The following HSD17B12 variants were observed in gnomAD, a reference collection of about 807,000 sequenced individuals.
HSD17B12 encodes the protein very-long-chain 3-oxoacyl-CoA reductase.
In HSD17B12, 32 loss-of-function variants were observed where a neutral mutation model predicts 39.3. That is an observed-to-expected ratio of 0.81 (90% CI 0.61 to 1.09). HSD17B12 has a LOEUF of 1.09. Among genes scored for constraint, HSD17B12 ranks in the 50% least tolerant of loss-of-function variants. The pLI, the probability that HSD17B12 is intolerant of heterozygous loss-of-function variation, is 0.00. For missense variants in HSD17B12, 342 were observed against 382.9 expected, an observed-to-expected ratio of 0.89 and a Z score of 0.89; for synonymous variants, 150 against 146.7, an observed-to-expected ratio of 1.02 and a Z score of -0.16.
the HSD17B12 span, among the ~76,000 whole-genome samples, chr11:43,563,716 G>A: frequency 6.6e-6 from 1 of 152,138 alleles, no homozygotes; most frequent in Admixed American, 6.5e-5. Flanking sequence ...TACTCTGGAG[G>A]CTGAGGCAGG....
At chr11:43,579,940 C>T in the HSD17B12 span, among the ~76,000 whole-genome samples, 1 of 152,182 alleles carries the variant, frequency 6.6e-6, no homozygotes, top group Admixed American at 6.5e-5. Flanking sequence ...TGGCAACTTT[C>T]CCCCCAAGTT....
chr11:43,826,145 T>C (rs1488935846), intron 6 of HSD17B12, among the ~76,000 whole-genome samples: 10 of 149,224 alleles, frequency 6.7e-5, no homozygotes, highest in Non-Finnish European at 1.3e-4. Context: ...TGCAGTGGCG[T>C]GATCTCCGCT....
At chr11:43,651,192 G>T in the HSD17B12 span, among the ~76,000 whole-genome samples, 1 of 152,206 alleles carries the variant, frequency 6.6e-6, no homozygotes, top group Non-Finnish European at 1.5e-5. Flanking sequence ...GGTAAATGTT[G>T]CCCATGAAAG....
the HSD17B12 span, among the ~76,000 whole-genome samples, chr11:43,666,670 T>G: frequency 6.6e-6 from 1 of 152,188 alleles, no homozygotes; most frequent in Non-Finnish European, 1.5e-5. Context: ...CTCATTAACA[T>G]TCTCATAATA....
chr11:43,616,995 AAAAG>A, the HSD17B12 span, among the ~76,000 whole-genome samples: 1 of 151,462 alleles, frequency 6.6e-6, no homozygotes, highest in South Asian at 2.1e-4. Context: ...AAAAAAAAGA[AAAAG>A]AAAAAAAAAT....
At chr11:43,809,581 G>A (rs1263754229) in intron 4 of HSD17B12, among the ~76,000 whole-genome samples, 1 of 152,178 alleles carries the variant, frequency 6.6e-6, no homozygotes. Context: ...CACTTTGGGA[G>A]GCCAAGGCAG....
the HSD17B12 span, among the ~76,000 whole-genome samples, chr11:43,623,258 G>C: frequency 6.6e-6 from 1 of 152,020 alleles, no homozygotes; most frequent in Non-Finnish European, 1.5e-5. Context: ...TCCTTTATCA[G>C]TATAGCTTTA....
chr11:43,673,353 ACT>A, the HSD17B12 span: 1,419 of 152,210 alleles, frequency 9.3e-3, 7 homozygotes, highest in East Asian at 0.023. Flanking sequence ...ACTATTCTAA[ACT>A]CTAAATTTGT....
the HSD17B12 span, among the ~76,000 whole-genome samples, chr11:43,580,513 G>A: frequency 3.3e-5 from 5 of 152,120 alleles, no homozygotes; most frequent in African/African-American, 1.2e-4. Context: ...CTTTGGGTGG[G>A]AAAGGGGGTG....
upstream of HSD17B12, among the ~76,000 whole-genome samples, chr11:43,680,157 C>T (rs1949726827): frequency 1.7e-5 from 1 of 58,878 alleles, no homozygotes; most frequent in South Asian, 6.2e-4. Context: ...CTCACTGCAA[C>T]CTCTGCCTCC....
intron 1 of HSD17B12, among the ~76,000 whole-genome samples, chr11:43,737,209 G>T (rs968874405): frequency 6.6e-6 from 1 of 152,228 alleles, no homozygotes; most frequent in African/African-American, 2.4e-5. Context: ...ATAGACAGAA[G>T]AGCTAAAAAT....
chr11:43,781,460 A>G (rs907502789), intron 3 of HSD17B12, among the ~76,000 whole-genome samples: 3 of 152,154 alleles, frequency 2.0e-5, no homozygotes, highest in Non-Finnish European at 4.4e-5. Context: ...CAAATGCCAA[A>G]CTCATGAACC....
At position 43,820,347 on chromosome 11, in the gene HSD17B12, T is replaced by A. The variant is rs184804104; in HGVS notation, c.501+3956T>A. 8.5e-5 allele frequency among the ~76,000 whole-genome samples: 13 copies of A among 152,328 alleles called. No homozygotes were observed. In the East Asian group the frequency reaches 2.5e-3, roughly 29 times the overall value. On this transcript the variant is annotated intron_variant, in intron 6 of 10. Coordinates refer to ENST00000278353, the MANE Select transcript of HSD17B12 (RefSeq NM_016142.3). ...TCTTACTTATACTGAGAGAAAGGCA[T>A]TCACCTTGACGAAATTTGTGTGACG...
the HSD17B12 span, among the ~76,000 whole-genome samples, chr11:43,606,590 G>T: frequency 6.6e-6 from 1 of 152,198 alleles, no homozygotes; most frequent in Non-Finnish European, 1.5e-5. Flanking sequence ...GACACTTGAG[G>T]ACTTCAAATC....
chr11:43,780,968 G>C (rs1159003006), intron 3 of HSD17B12, among the ~76,000 whole-genome samples: 2 of 152,150 alleles, frequency 1.3e-5, no homozygotes, highest in Admixed American at 1.3e-4. Context: ...AGGAATCCCA[G>C]AATCTGGGGC....
chr11:43,770,885 T>A (rs1274885076), intron 3 of HSD17B12, among the ~76,000 whole-genome samples: 1 of 152,254 alleles, frequency 6.6e-6, no homozygotes, highest in Non-Finnish European at 1.5e-5. Context: ...GGATTTGCCT[T>A]ATTTTCAGTG....
the HSD17B12 span, among the ~76,000 whole-genome samples, chr11:43,620,518 T>C: frequency 6.6e-6 from 1 of 152,348 alleles, no homozygotes; most frequent in African/African-American, 2.4e-5. Context: ...TAAGGTGTTA[T>C]AATGAAATCA....
At chr11:43,690,800 C>T (rs1949855677) in intron 1 of HSD17B12, among the ~76,000 whole-genome samples, 2 of 152,026 alleles carry the variant, frequency 1.3e-5, no homozygotes, top group Admixed American at 1.3e-4. Context: ...TCAGTTTCCT[C>T]ATCTGTAAAA....
intron 1 of HSD17B12, among the ~76,000 whole-genome samples, chr11:43,711,479 T>G (rs953605776): frequency 1.3e-5 from 2 of 150,294 alleles, no homozygotes; most frequent in African/African-American, 4.9e-5. Flanking sequence ...GGTTGGTTTT[T>G]TTTTTTTTTT....
Sources: gnomAD v4.1 joint callset for allele counts (sites outside exome capture counted in the v4.1 genomes callset) on GRCh38, gnomAD v4.1.1 for gene constraint, MANE v1.5 for transcripts, NCBI Gene and HGNC (gene_info 2026-07-23, HGNC 2026-07-21) for gene names.